RPA3: variants seen among roughly 807,000 people sequenced by gnomAD.
The protein encoded by RPA3 is replication protein A3, also known as replication protein A 14 kDa subunit.
In RPA3, 24 loss-of-function variants were observed where a neutral mutation model predicts 13.7. That is an observed-to-expected ratio of 1.75 (90% CI 1.27 to 2.46). RPA3 has a LOEUF of 2.46. Among genes scored for constraint, RPA3 ranks in the 30% most tolerant of loss-of-function variants. The pLI is 0.00. For synonymous variants in RPA3, 59 were observed against 51.2 expected, an observed-to-expected ratio of 1.15 and a Z score of -0.65; for missense variants, 183 against 151.0, an observed-to-expected ratio of 1.21 and a Z score of -1.11.
At chr7:7,684,663 A>T (rs1217579666) in intron 4 of RPA3, among the ~76,000 whole-genome samples, 1 of 152,222 alleles carries the variant, frequency 6.6e-6, no homozygotes, top group Non-Finnish European at 1.5e-5. Flanking sequence ...TATTAAATTA[A>T]TTATACAATG....
chr7:7,664,634 C>G (rs923660265), intron 4 of RPA3, among the ~76,000 whole-genome samples: 2 of 152,178 alleles, frequency 1.3e-5, no homozygotes, highest in African/African-American at 4.8e-5. Flanking sequence ...GGCCTTCCTT[C>G]TCTTCTTTGT....
chr7:7,644,727 C>A (rs968921830), intron 4 of RPA3, among the ~76,000 whole-genome samples: 6 of 152,096 alleles, frequency 3.9e-5, no homozygotes, highest in African/African-American at 1.4e-4. Flanking sequence ...GAACCACTAC[C>A]TATTTTCTTT....
chr7:7,681,332 G>A (rs1341170440), intron 4 of RPA3, among the ~76,000 whole-genome samples: 1 of 152,126 alleles, frequency 6.6e-6, no homozygotes, highest in Non-Finnish European at 1.5e-5. Context: ...CAGAGTTGAT[G>A]GAATCAACAC....
intron 4 of RPA3, among the ~76,000 whole-genome samples, chr7:7,642,267 T>C: frequency 7.8e-6 from 1 of 127,844 alleles, no homozygotes; most frequent in East Asian, 1.9e-4. Context: ...GCCAAGTAGC[T>C]GGGACTATAA....
At chr7:7,692,775 A>G (rs531133638) in intron 2 of RPA3, among the ~76,000 whole-genome samples, 1 of 152,052 alleles carries the variant, frequency 6.6e-6, no homozygotes, top group African/African-American at 2.4e-5. Context: ...ATGCCCAGCT[A>G]ATTTTCGTAT....
In RPA3 at chr7:7,687,848, C is replaced by T. The variant is rs992287869; in HGVS notation, c.-1027-520G>A. On this transcript the variant is annotated intron_variant, in intron 2 of 7. Coordinates refer to ENST00000223129, the MANE Select transcript of RPA3 (RefSeq NM_002947.5). ...AATTGCTCTGAAAATTTTAAGTATTCTAAGTCAAATAACTAAGCTGTAAAT... is the reference window on the plus strand; with the variant it reads ...AATTGCTCTGAAAATTTTAAGTATTTTAAGTCAAATAACTAAGCTGTAAAT... Among the ~76,000 whole-genome samples the T allele has an allele frequency of 2.0e-5, 3 of 152,132 alleles. No homozygotes were observed. The South Asian group carries it at 6.2e-4, about 32-fold the overall frequency.
intron 4 of RPA3, among the ~76,000 whole-genome samples, chr7:7,666,546 T>C (rs574418317): frequency 6.6e-6 from 1 of 152,268 alleles, no homozygotes; most frequent in South Asian, 2.1e-4. Context: ...TTAATAGGTA[T>C]ATAATGGTAT....
intron 1 of RPA3, among the ~76,000 whole-genome samples, chr7:7,716,725 C>T (rs950331897): frequency 6.6e-6 from 1 of 152,180 alleles, no homozygotes. Flanking sequence ...GCAGGCGGAT[C>T]ACGAGGTCAG....
chr7:7,660,007 T>C (rs1280066341), intron 4 of RPA3, among the ~76,000 whole-genome samples: 1 of 152,228 alleles, frequency 6.6e-6, no homozygotes, highest in Non-Finnish European at 1.5e-5. Flanking sequence ...CATATATATT[T>C]AGGATAGTTA....
At chr7:7,643,204 C>A (rs373660408) in intron 4 of RPA3, among the ~76,000 whole-genome samples, 1 of 152,052 alleles carries the variant, frequency 6.6e-6, no homozygotes, top group Non-Finnish European at 1.5e-5. Context: ...AATGTAGACC[C>A]GAGGGAGAAA....
intron 4 of RPA3, among the ~76,000 whole-genome samples, chr7:7,654,129 T>C (rs1403201756): frequency 6.6e-6 from 1 of 152,172 alleles, no homozygotes; most frequent in East Asian, 1.9e-4. Flanking sequence ...CATAGGACCA[T>C]AGGGCATTCA....
At chr7:7,666,687 C>A (rs1033779730) in intron 4 of RPA3, among the ~76,000 whole-genome samples, 4 of 151,944 alleles carry the variant, frequency 2.6e-5, no homozygotes, top group Non-Finnish European at 5.9e-5. Context: ...TTTTATTGAG[C>A]TGTTTTTTCA....
At chr7:7,704,179 G>A (rs1220522652) in intron 2 of RPA3, among the ~76,000 whole-genome samples, 2 of 152,118 alleles carry the variant, frequency 1.3e-5, no homozygotes, top group African/African-American at 2.4e-5. Flanking sequence ...ACTGTTTTCT[G>A]TTGAGCTAGA....
intron 4 of RPA3, among the ~76,000 whole-genome samples, chr7:7,656,039 T>G (rs543646697): frequency 4.6e-5 from 7 of 152,250 alleles, no homozygotes; most frequent in Admixed American, 4.6e-4. Context: ...TTCTCCATGT[T>G]GGTCAGGCTG....
At chr7:7,709,771 A>G (rs1434882601) in intron 2 of RPA3, among the ~76,000 whole-genome samples, 1 of 149,696 alleles carries the variant, frequency 6.7e-6, no homozygotes, top group Non-Finnish European at 1.5e-5. Flanking sequence ...TTGAAAAATA[A>G]CCTTTTAAAG....
intron 4 of RPA3, among the ~76,000 whole-genome samples, chr7:7,657,200 G>A (rs920397920): frequency 6.6e-6 from 1 of 152,032 alleles, no homozygotes; most frequent in African/African-American, 2.4e-5. Flanking sequence ...TCTTTCTAGA[G>A]TCTGGGTATT....
intron 4 of RPA3, among the ~76,000 whole-genome samples, chr7:7,682,659 A>C (rs1405339341): frequency 6.6e-6 from 1 of 152,212 alleles, no homozygotes; most frequent in Non-Finnish European, 1.5e-5. Flanking sequence ...TCTTACAAAA[A>C]ATGTATACCA....
rs1784940567 is a variant in RPA3 at position 7,640,443 on chromosome 7, G to A, written c.-25C>T. The A allele has an allele frequency of 3.1e-6, 5 of 1,609,024 alleles. No homozygotes were observed. In the South Asian group the frequency reaches 3.3e-5, roughly 11 times the overall value. On this transcript the variant is annotated 5_prime_UTR_variant, in exon 5 of 8. Coordinates refer to ENST00000223129, the MANE Select transcript of RPA3 (RefSeq NM_002947.5). Reference sequence around the variant, plus strand: ...TGATTATGGTCCAAGACTGCGGCTGGCGGGAAACCCACGGACGACTGAAAC... The same window carrying A: ...TGATTATGGTCCAAGACTGCGGCTGACGGGAAACCCACGGACGACTGAAAC...
chr7:7,702,430 A>T, intron 2 of RPA3, among the ~76,000 whole-genome samples: 1 of 152,190 alleles, frequency 6.6e-6, no homozygotes, highest in East Asian at 1.9e-4. Flanking sequence ...ATGGACTATA[A>T]TACGAAAATT....
Sources: gnomAD v4.1 joint callset for allele counts (sites outside exome capture counted in the v4.1 genomes callset) on GRCh38, gnomAD v4.1.1 for gene constraint, MANE v1.5 for transcripts, NCBI Gene and HGNC (gene_info 2026-07-23, HGNC 2026-07-21) for gene names.